Variants in NETO1 observed in about 807,000 individuals in gnomAD.
NETO1 encodes the protein neuropilin and tolloid like 1, also known as neuropilin and tolloid-like protein 1.
A neutral mutation model predicts 61.3 loss-of-function variants in NETO1; 26 were observed. The ratio of observed to expected loss-of-function variants is 0.42; its 90% CI spans 0.31 to 0.59. The LOEUF is 0.59. NETO1 is among the 20% of genes least tolerant of loss of function. The pLI, the probability that NETO1 is intolerant of heterozygous loss-of-function variation, is 0.12. For synonymous variants in NETO1, 225 were observed against 225.8 expected (o/e 1.00, Z 0.03); for missense variants, 531 against 662.8 (o/e 0.80, Z 2.18).
rs188492436 is a variant in NETO1, at chr18:72,747,827, T to G, written c.*352A>C. 3 of 152,012 alleles carry G rather than the reference T, an allele frequency of 2.0e-5. No homozygotes were observed. Among genetic ancestry groups the G allele is most frequent in the Admixed American group, 2.0e-4 (3 of 15,266 alleles). 9.4% of individuals were successfully genotyped at this position (152,012 alleles called of 1,614,324 possible). A position where few individuals can be genotyped will look rare whatever the true frequency, so the allele number is the denominator to read the frequency against. ...TTTTCACATATCACACAATGTACAA[T>G]TATATAACAAAGACATAAAACAACA... On this transcript the variant is annotated 3_prime_UTR_variant, in exon 11 of 11. Coordinates refer to ENST00000327305, the MANE Select transcript of NETO1 (RefSeq NM_138966.5).
intron 7 of NETO1, among the ~76,000 whole-genome samples, chr18:72,760,239 C>T (rs543123055): frequency 7.9e-5 from 12 of 152,298 alleles, no homozygotes; most frequent in Non-Finnish European, 1.8e-4. Flanking sequence ...TATCATTGCT[C>T]TTGATTTAAA....
chr18:72,750,491 T>C lies in NETO1; in HGVS notation c.1112A>G (p.Lys371Arg), dbSNP rs775169051. 2.8e-5 allele frequency: 45 copies of C among 1,614,012 alleles called. No individual in the cohort carries two copies. Among genetic ancestry groups the C allele is most frequent in the Middle Eastern group, 1.6e-4 (1 of 6,084 alleles). The change falls in exon 9 of 11, where the codon AAG becomes AGG. Residue 371 changes from lysine (K) to arginine (R), a missense_variant. Physicochemically the swap from Lys to Arg is conservative, Grantham distance 26 (BLOSUM62 2). Transcript: ENST00000327305. ...VIVQIKQPRK[K>R]YVQRKSDFDQ... ...AAAGTCTGATTTCCTTTGGACATAC[T>C]TTTTACGAGGCTGTTTGATCTGTAC...
rs753920032 is a variant in NETO1, at chr18:72,858,802, T to G, written c.469+24A>C. On this transcript the variant is annotated intron_variant, in intron 4 of 10. Transcript: ENST00000327305. ...TAGAAAAATGAGGAAGAAAAAGAAA[T>G]TTTTTTTTTAAGTACTTACTTACCA... 3 of 1,457,146 alleles carry G rather than the reference T, an allele frequency of 2.1e-6. No individual in the cohort carries two copies. In the African/African-American group the frequency reaches 4.4e-5, roughly 21 times the overall value. The allele number at this position is 1,457,146 out of a possible 1,614,324, so 90.3% of individuals were successfully genotyped here. A position where few individuals can be genotyped will look rare whatever the true frequency, so the allele number is the denominator to read the frequency against.
At chr18:72,823,341 G>A (rs2073267693) in intron 4 of NETO1, among the ~76,000 whole-genome samples, 1 of 152,148 alleles carries the variant, frequency 6.6e-6, no homozygotes, top group Non-Finnish European at 1.5e-5. Flanking sequence ...TAGGTAGGTA[G>A]TAGGTAGGAG....
At chr18:72,864,568 T>A (rs1405064126) in intron 3 of NETO1, among the ~76,000 whole-genome samples, 1 of 152,200 alleles carries the variant, frequency 6.6e-6, no homozygotes, top group Non-Finnish European at 1.5e-5. Context: ...CAAAATAAAC[T>A]CCTAAGTTGT....
At chr18:72,754,283 A>C (rs1315930452) in intron 8 of NETO1, among the ~76,000 whole-genome samples, 1 of 152,134 alleles carries the variant, frequency 6.6e-6, no homozygotes, top group East Asian at 1.9e-4. Flanking sequence ...GAAAAAATAC[A>C]TGAGACATTT....
At chr18:72,798,032 A>T (rs553691166) in intron 4 of NETO1, among the ~76,000 whole-genome samples, 2 of 152,318 alleles carry the variant, frequency 1.3e-5, no homozygotes, top group African/African-American at 4.8e-5. Flanking sequence ...CAATTATTTA[A>T]CTATTTGTCT....
intron 10 of NETO1, among the ~76,000 whole-genome samples, chr18:72,748,729 C>T (rs1412576954): frequency 6.6e-6 from 1 of 151,946 alleles, no homozygotes; most frequent in Non-Finnish European, 1.5e-5. Flanking sequence ...TAAAACTTTA[C>T]CTTAAAACAT....
chr18:72,758,385 T>TTGTGTGTGTGTGTG (rs71166416), intron 7 of NETO1, among the ~76,000 whole-genome samples: 1,800 of 142,868 alleles, frequency 0.013, 18 homozygotes, highest in East Asian at 0.046. Flanking sequence ...TTTTTTTTCT[T>TTGTGTGTGTGTGTG]TGTGTGTGTG....
chr18:72,749,432 T>C (rs1039308454), intron 9 of NETO1, among the ~76,000 whole-genome samples: 1 of 152,158 alleles, frequency 6.6e-6, no homozygotes, highest in Non-Finnish European at 1.5e-5. Flanking sequence ...CAGATAATAT[T>C]GCATTTATAG....
intron 1 of NETO1, among the ~76,000 whole-genome samples, chr18:72,866,132 A>T (rs1915136583): frequency 6.6e-6 from 1 of 152,086 alleles, no homozygotes; most frequent in African/African-American, 2.4e-5. Flanking sequence ...TCATAATTTG[A>T]TTTTTCTTCT....
chr18:72,771,653 G>A (rs979012124), intron 7 of NETO1, among the ~76,000 whole-genome samples: 26 of 152,138 alleles, frequency 1.7e-4, no homozygotes, highest in Non-Finnish European at 8.8e-5. Flanking sequence ...TGGAGTGATT[G>A]TTTCCTACAA....
At position 72,794,380 on chromosome 18, in the gene NETO1, G is replaced by A; in HGVS notation, c.494C>T (p.Ala165Val). 1 of 1,612,432 alleles carries A rather than the reference G, an allele frequency of 6.2e-7. No individual in the cohort carries two copies. The highest frequency in any genetic ancestry group is 1.3e-5 in the African/African-American group (1 of 74,844). Reference protein sequence around the residue: ...TPDPDFKDLGALKPLPACEFE... With the variant: ...TPDPDFKDLGVLKPLPACEFE... ...TTACCAACCTGGTAATGGTTTCAAA[G>A]CTCCAAGGTCCTTAAAGTCAGGATC... Residue 165 changes from alanine (A) to valine (V), a missense_variant, in exon 5 of 11, where the codon GCT becomes GTT. By Grantham distance (64) the Ala-to-Val change is moderately conservative (BLOSUM62 0). Coordinates refer to ENST00000327305, the MANE Select transcript of NETO1 (RefSeq NM_138966.5).
At chr18:72,826,055 A>G (rs1325449576) in intron 4 of NETO1, among the ~76,000 whole-genome samples, 1 of 152,182 alleles carries the variant, frequency 6.6e-6, no homozygotes, top group Non-Finnish European at 1.5e-5. Context: ...TCTTTCATAT[A>G]ACTTACTTGT....
chr18:72,834,862 T>C (rs2073693882), intron 4 of NETO1: 1 of 940,794 alleles, frequency 1.1e-6, no homozygotes. Flanking sequence ...ATAAAAAGAT[T>C]GTAATACAAG....
At chr18:72,864,988 A>G (rs768703288) in intron 2 of NETO1, 43 bp from the exon 3 acceptor site, 9 of 1,563,042 alleles carry the variant, frequency 5.8e-6, no homozygotes, top group Middle Eastern at 3.5e-4. Context: ...CCATCATCCA[A>G]TTTTCTATTG....
At chr18:72,828,324 A>T (rs6566666) in intron 4 of NETO1, among the ~76,000 whole-genome samples, 121,154 of 150,958 alleles carry the variant, frequency 0.8, 49,301 homozygotes, top group Non-Finnish European at 0.85. Flanking sequence ...AAAAAAAAAA[A>T]GCAAATCAAG....
At position 72,745,330 on chromosome 18, in the gene NETO1, C is replaced by T. The variant is rs1014346288; in HGVS notation, c.*2849G>A. 2 of 151,958 alleles carry T rather than the reference C, an allele frequency of 1.3e-5. No homozygotes were observed. Among genetic ancestry groups the T allele is most frequent in the African/African-American group, 2.4e-5 (1 of 41,358 alleles). The allele number at this position is 151,958 out of a possible 1,614,324, so 9.4% of individuals were successfully genotyped here. A position where few individuals can be genotyped will look rare whatever the true frequency, so the allele number is the denominator to read the frequency against. On this transcript the variant is annotated 3_prime_UTR_variant, in exon 11 of 11. Transcript: ENST00000327305. ...ACTACAATACATTTGGACAGAAGTA[C>T]GAAGCTTAATATGGGGATTCATTGG... is the stretch of plus-strand genomic sequence containing the variant.
At chr18:72,849,859 C>G (rs138061838) in intron 4 of NETO1, among the ~76,000 whole-genome samples, 2 of 152,280 alleles carry the variant, frequency 1.3e-5, no homozygotes, top group African/African-American at 4.8e-5. Flanking sequence ...TAGAAGCTGT[C>G]CACATTCTTT....
Sources: allele counts gnomAD v4.1 joint callset (sites outside exome capture counted in the v4.1 genomes callset), GRCh38; gene constraint gnomAD v4.1.1; transcripts MANE v1.5; gene names NCBI Gene and HGNC (gene_info 2026-07-23, HGNC 2026-07-21).